ATP11A: variants seen among roughly 807,000 people sequenced by gnomAD.
ATP11A encodes the protein phospholipid-transporting ATPase IH.
A neutral mutation model predicts 154.4 loss-of-function variants in ATP11A; 81 were observed. The observed-to-expected ratio is 0.52, with a 90% CI of 0.44 to 0.63. The LOEUF (loss-of-function observed/expected upper bound fraction) is 0.63, where lower values mean the gene tolerates loss of function less well. Ranked by LOEUF, ATP11A falls within the 30% of genes least tolerant of loss-of-function variation. ATP11A has a pLI of 0.00. For synonymous variants in ATP11A, 623 were observed against 585.9 expected (o/e 1.06, Z -0.91); for missense variants, 1,316 against 1,474.3 (o/e 0.89, Z 1.76).
chr13:112,810,817 TC>T lies in ATP11A; in HGVS notation c.441+94del. On this transcript the variant is annotated intron_variant, in intron 5 of 29. Coordinates refer to ENST00000375645, the MANE Select transcript of ATP11A (RefSeq NM_015205.3). ...CAGGTGCAGTGGCTCGCGCCTCCAGTCCCAGCTACTCAGGAGGCTGAGGCAG... is the reference window on the plus strand; with the variant it reads ...CAGGTGCAGTGGCTCGCGCCTCCAGTCCAGCTACTCAGGAGGCTGAGGCAG... 4.6e-6 allele frequency: 5 copies of T among 1,082,748 alleles called. No homozygotes were observed. The South Asian group carries it at 5.4e-5, about 12-fold the overall frequency. 67.1% of individuals were successfully genotyped at this position (1,082,748 alleles called of 1,614,324 possible). A position where few individuals can be genotyped will look rare whatever the true frequency, so the allele number is the denominator to read the frequency against.
At chr13:112,729,886 AC>A (rs1566394597) in intron 1 of ATP11A, among the ~76,000 whole-genome samples, 3 of 152,238 alleles carry the variant, frequency 2.0e-5, no homozygotes, top group African/African-American at 7.2e-5. Context: ...AATGGTTGTT[AC>A]TTTTAAATGG....
In ATP11A at chr13:112,882,149, T is replaced by C. The variant is rs1174314208; in HGVS notation, c.*283T>C. Reference sequence around the variant, plus strand: ...AGGAGGGGGGTCACAGGCCTTGCCCTCGAGCATGGCACCCTGGCCGCCTGG... The same window carrying C: ...AGGAGGGGGGTCACAGGCCTTGCCCCCGAGCATGGCACCCTGGCCGCCTGG... On this transcript the variant is annotated 3_prime_UTR_variant, in exon 30 of 30. Transcript: ENST00000375645. This position sits in a 1 kb window ranked among gnomAD's most constrained non-coding sequence, Gnocchi z 5.1. 7.6e-7 allele frequency: 1 copy of C among 1,309,160 alleles called. No individual in the cohort carries two copies. Among genetic ancestry groups the C allele is most frequent in the Non-Finnish European group, 1.0e-6 (1 of 993,974 alleles). 81.1% of individuals were successfully genotyped at this position (1,309,160 alleles called of 1,614,324 possible). A position where few individuals can be genotyped will look rare whatever the true frequency, so the allele number is the denominator to read the frequency against.
chr13:112,867,587 C>T (rs1423961821), intron 25 of ATP11A, among the ~76,000 whole-genome samples: 1 of 152,210 alleles, frequency 6.6e-6, no homozygotes, highest in Non-Finnish European at 1.5e-5. Flanking sequence ...CTGGCGTGTC[C>T]GCAGTCAGCT....
At chr13:112,802,444 A>G (rs941004186) in intron 2 of ATP11A, among the ~76,000 whole-genome samples, 1 of 151,954 alleles carries the variant, frequency 6.6e-6, no homozygotes, top group Admixed American at 6.6e-5. Flanking sequence ...TAGTCAACCC[A>G]TTCACCCAGA....
intron 8 of ATP11A, among the ~76,000 whole-genome samples, chr13:112,821,105 C>G (rs988738453): frequency 6.6e-6 from 1 of 152,154 alleles, no homozygotes; most frequent in Non-Finnish European, 1.5e-5. Context: ...GGAGAAATCT[C>G]TTGTATTTCT....
At chr13:112,853,230 C>A (rs2079822535) in intron 18 of ATP11A, among the ~76,000 whole-genome samples, 1 of 151,774 alleles carries the variant, frequency 6.6e-6, no homozygotes, top group African/African-American at 2.4e-5. Context: ...CTCTTGCTCG[C>A]TCTCTTTCTC....
intron 27 of ATP11A, among the ~76,000 whole-genome samples, chr13:112,874,497 T>G (rs1274926738): frequency 6.6e-6 from 1 of 151,816 alleles, no homozygotes; most frequent in Non-Finnish European, 1.5e-5. Context: ...CGACGCTGAG[T>G]GGTATGGGCC....
At chr13:112,704,134 AC>A (rs1886888215) in intron 1 of ATP11A, among the ~76,000 whole-genome samples, 1 of 152,008 alleles carries the variant, frequency 6.6e-6, no homozygotes, top group African/African-American at 2.4e-5. Context: ...GTGCCACACC[AC>A]CCACACGTCA....
At chr13:112,699,017 C>T (rs572369580) in intron 1 of ATP11A, among the ~76,000 whole-genome samples, 34 of 152,312 alleles carry the variant, frequency 2.2e-4, no homozygotes, top group African/African-American at 7.7e-4. Flanking sequence ...TGTCAGCCAC[C>T]GCGCCTGGTC....
At chr13:112,881,314 C>T in intron 29 of ATP11A, 1 of 1,003,612 alleles carries the variant, frequency 1.0e-6, no homozygotes, top group Middle Eastern at 5.0e-4. Context: ...CGTATGGTGA[C>T]ATCCTAGGCA....
intron 1 of ATP11A, among the ~76,000 whole-genome samples, chr13:112,751,040 A>G (rs1450517689): frequency 2.0e-5 from 3 of 152,234 alleles, no homozygotes; most frequent in Non-Finnish European, 4.4e-5. Flanking sequence ...ACGGCTGCCC[A>G]CTGTGGAGGA....
In ATP11A at chr13:112,875,643, G is replaced by A. The variant is rs2140431764; in HGVS notation, c.3162-133G>A. On this transcript the variant is annotated intron_variant, in intron 27 of 29. Coordinates refer to ENST00000375645, the MANE Select transcript of ATP11A (RefSeq NM_015205.3). The surrounding 1 kb of genome is among the most constrained non-coding windows in gnomAD (Gnocchi z 4.1). ...TTTTTATATGATAAATTCAGAGCAG[G>A]CTCCGTGGCTTGCCAAGCAACTCTC... The A allele has an allele frequency of 7.6e-6, 7 of 925,078 alleles. No individual in the cohort carries two copies. In the South Asian group the frequency reaches 1.3e-4, roughly 17 times the overall value. The allele number at this position is 925,078 out of a possible 1,614,324, so 57.3% of individuals were successfully genotyped here.
chr13:112,737,474 C>T (rs900055065), intron 1 of ATP11A, among the ~76,000 whole-genome samples: 8 of 152,128 alleles, frequency 5.3e-5, no homozygotes, highest in African/African-American at 1.7e-4. Flanking sequence ...CTTCCAGGGA[C>T]GGTTTGGCAA....
intron 15 of ATP11A, among the ~76,000 whole-genome samples, chr13:112,835,489 GC>G (rs2079207575): frequency 1.3e-5 from 2 of 152,362 alleles, no homozygotes; most frequent in South Asian, 2.1e-4. Context: ...CTTCCCGGGG[GC>G]CGCAACTCAC....
Position 112,859,556 on chromosome 13 carries a change from C to G in ATP11A, c.2727+104C>G. The G allele has an allele frequency of 9.9e-7, 1 of 1,010,992 alleles. No homozygotes were observed. Among genetic ancestry groups the G allele is most frequent in the Non-Finnish European group, 1.6e-6 (1 of 636,208 alleles). 62.6% of individuals were successfully genotyped at this position (1,010,992 alleles called of 1,614,324 possible). ...GAGACTTGGGAATGAGCAGCACTCCCCGGCACCACGAGGGAGCCAGGGTGC... is the reference window on the plus strand; with the variant it reads ...GAGACTTGGGAATGAGCAGCACTCCGCGGCACCACGAGGGAGCCAGGGTGC... On this transcript the variant is annotated intron_variant, in intron 23 of 29. Coordinates refer to ENST00000375645, the MANE Select transcript of ATP11A (RefSeq NM_015205.3). This position sits in a 1 kb window ranked among gnomAD's most constrained non-coding sequence, Gnocchi z 4.3.
intron 1 of ATP11A, among the ~76,000 whole-genome samples, chr13:112,771,585 C>G (rs1047405000): frequency 6.6e-6 from 1 of 152,184 alleles, no homozygotes; most frequent in Non-Finnish European, 1.5e-5. Context: ...CTATGAGACC[C>G]TATCTGTCAT....
intron 1 of ATP11A, among the ~76,000 whole-genome samples, chr13:112,728,058 A>G (rs1890067843): frequency 6.6e-6 from 1 of 152,196 alleles, no homozygotes; most frequent in African/African-American, 2.4e-5. Context: ...CAGATAGTGA[A>G]TGTTGTAGGC....
intron 16 of ATP11A, among the ~76,000 whole-genome samples, chr13:112,836,572 C>T (rs2079240725): frequency 6.6e-6 from 1 of 152,200 alleles, no homozygotes; most frequent in Non-Finnish European, 1.5e-5. Context: ...ATCCCTATCC[C>T]CCACCCGCTT....
chr13:112,866,316 A>C (rs1398268830), intron 25 of ATP11A, among the ~76,000 whole-genome samples: 2 of 152,134 alleles, frequency 1.3e-5, no homozygotes, highest in Non-Finnish European at 2.9e-5. Context: ...CACACCCCAG[A>C]GCTAGCTCTG....
Sources: allele counts gnomAD v4.1 joint callset (sites outside exome capture counted in the v4.1 genomes callset), GRCh38; gene constraint gnomAD v4.1.1; non-coding constraint Gnocchi (gnomAD v3.1); transcripts MANE v1.5; gene names NCBI Gene and HGNC (gene_info 2026-07-23, HGNC 2026-07-21).